Variants in EFCAB6 observed in about 807,000 individuals in gnomAD.
EFCAB6 encodes EF-hand calcium binding domain 6, also known as EF-hand calcium-binding domain-containing protein 6.
In EFCAB6, 156 loss-of-function variants were observed where a neutral mutation model predicts 169.8. The ratio of observed to expected loss-of-function variants is 0.92; its 90% CI spans 0.81 to 1.05. EFCAB6 has a LOEUF of 1.05. Ranked by LOEUF, EFCAB6 falls within the 50% of genes least tolerant of loss-of-function variation. The pLI is 0.00. For synonymous variants in EFCAB6, 698 were observed against 676.4 expected (o/e 1.03, Z -0.50); for missense variants, 1,800 against 1,829.1 (o/e 0.98, Z 0.29).
chr22:43,775,049 G>A (rs762273104), intron 3 of EFCAB6, among the ~76,000 whole-genome samples: 11 of 152,022 alleles, frequency 7.2e-5, no homozygotes, highest in African/African-American at 1.2e-4. Context: ...ACACAGTACC[G>A]TACTAGCGTG....
intron 12 of EFCAB6, among the ~76,000 whole-genome samples, chr22:43,682,326 G>A (rs972033001): frequency 3.3e-5 from 5 of 152,134 alleles, no homozygotes; most frequent in Non-Finnish European, 7.4e-5. Context: ...CATGGACTAC[G>A]TACTCAATTC....
At chr22:43,560,545 C>G (rs1602260975) in intron 26 of EFCAB6, among the ~76,000 whole-genome samples, 1 of 152,168 alleles carries the variant, frequency 6.6e-6, no homozygotes, top group African/African-American at 2.4e-5. Flanking sequence ...CAGCCATGCT[C>G]TCAGGAGGGA....
chr22:43,789,450 A>G (rs1486474400), intron 2 of EFCAB6, among the ~76,000 whole-genome samples: 1 of 152,168 alleles, frequency 6.6e-6, no homozygotes, highest in Non-Finnish European at 1.5e-5. Flanking sequence ...TTTACTTGAC[A>G]GTTATTTAGA....
In EFCAB6 at chr22:43,740,714, C is replaced by T. The variant is rs546890552; in HGVS notation, c.508-4721G>A. ...GAGTGCAGCCGAGAGGGAAAGGCACCGGCAGAAGCAAAGCCGGCTCCAGTG... is the reference window on the plus strand; with the variant it reads ...GAGTGCAGCCGAGAGGGAAAGGCACTGGCAGAAGCAAAGCCGGCTCCAGTG... On this transcript the variant is annotated intron_variant, in intron 6 of 31. Coordinates refer to ENST00000262726, the MANE Select transcript of EFCAB6 (RefSeq NM_022785.4). 3.1e-4 allele frequency among the ~76,000 whole-genome samples: 47 copies of T among 152,230 alleles called. No homozygotes were observed. In the South Asian group the frequency reaches 4.6e-3, roughly 15 times the overall value.
chr22:43,741,804 C>T (rs1429071758), intron 6 of EFCAB6, among the ~76,000 whole-genome samples: 1 of 152,206 alleles, frequency 6.6e-6, no homozygotes, highest in Non-Finnish European at 1.5e-5. Context: ...CATCCAGCCA[C>T]GGGCAGAACC....
At chr22:43,784,670 C>CATAT (rs201662478) in intron 2 of EFCAB6, among the ~76,000 whole-genome samples, 8 of 55,558 alleles carry the variant, frequency 1.4e-4, no homozygotes, top group Middle Eastern at 0.01. Context: ...TATACATATA[C>CATAT]ATATATACAC....
intron 11 of EFCAB6, among the ~76,000 whole-genome samples, chr22:43,684,061 C>T (rs2058100119): frequency 6.6e-6 from 1 of 152,106 alleles, no homozygotes; most frequent in Non-Finnish European, 1.5e-5. Flanking sequence ...GCAGGGTGAG[C>T]CTTGCTGGAC....
At chr22:43,760,960 C>T (rs962302493) in intron 5 of EFCAB6, among the ~76,000 whole-genome samples, 1 of 152,234 alleles carries the variant, frequency 6.6e-6, no homozygotes, top group African/African-American at 2.4e-5. Context: ...GAATGAGGTA[C>T]TAATTCATGC....
rs370052315 is a variant in EFCAB6, at chr22:43,730,882, C to A, written c.757+817G>T. 7.6e-4 allele frequency among the ~76,000 whole-genome samples: 116 copies of A among 152,230 alleles called. 2 individuals carry two copies. In the South Asian group the frequency reaches 0.022, roughly 29 times the overall value. On this transcript the variant is annotated intron_variant, in intron 8 of 31. Transcript: ENST00000262726. ...AACCAGGCTAAAACCTGAGAATCTG[C>A]CATTTTTCAGCTTGCTAGTGAGAGG...
At chr22:43,770,009 C>T (rs2061421557) in intron 4 of EFCAB6, among the ~76,000 whole-genome samples, 1 of 152,022 alleles carries the variant, frequency 6.6e-6, no homozygotes, top group African/African-American at 2.4e-5. Context: ...CATGTGCCAC[C>T]ATGTCCATCT....
chr22:43,780,973 G>C (rs1445519819), intron 3 of EFCAB6, among the ~76,000 whole-genome samples: 1 of 152,136 alleles, frequency 6.6e-6, no homozygotes, highest in Non-Finnish European at 1.5e-5. Flanking sequence ...TGCGTCTTAC[G>C]GCATTTGGCT....
intron 3 of EFCAB6, among the ~76,000 whole-genome samples, chr22:43,779,320 G>A (rs948324596): frequency 6.6e-6 from 1 of 152,214 alleles, no homozygotes; most frequent in Non-Finnish European, 1.5e-5. Flanking sequence ...TTTGATGTAT[G>A]AGTTATACAA....
chr22:43,680,014 A>G (rs1354367549), intron 12 of EFCAB6, among the ~76,000 whole-genome samples: 4 of 152,056 alleles, frequency 2.6e-5, no homozygotes, highest in Admixed American at 6.6e-5. Flanking sequence ...TGTTTCTTTT[A>G]TGGGTTATAC....
chr22:43,658,417 C>T (rs1447915143), intron 17 of EFCAB6, among the ~76,000 whole-genome samples: 2 of 152,090 alleles, frequency 1.3e-5, no homozygotes, highest in African/African-American at 2.4e-5. Flanking sequence ...AGGCCACTCC[C>T]GCACTGTGAG....
intron 2 of EFCAB6, among the ~76,000 whole-genome samples, chr22:43,782,798 T>C (rs1223731136): frequency 6.6e-6 from 1 of 152,016 alleles, no homozygotes; most frequent in East Asian, 1.9e-4. Context: ...TTGAAATCAA[T>C]TTTTTTTCAG....
intron 30 of EFCAB6, among the ~76,000 whole-genome samples, chr22:43,532,639 C>T (rs1435433906): frequency 6.7e-6 from 1 of 150,218 alleles, no homozygotes; most frequent in African/African-American, 2.5e-5. Context: ...TCCTGTTTGT[C>T]TAAACTAGAA....
chr22:43,757,496 G>A (rs1043948557), intron 5 of EFCAB6, among the ~76,000 whole-genome samples: 4 of 151,668 alleles, frequency 2.6e-5, no homozygotes, highest in Non-Finnish European at 5.9e-5. Flanking sequence ...GCGGTGAGCC[G>A]AGATCACACC....
In EFCAB6 at chr22:43,731,878, G is replaced by A. The variant is rs1002831998; in HGVS notation, c.645-67C>T. The A allele has an allele frequency of 7.5e-4, 723 of 960,636 alleles. 5 individuals are homozygous for A. Among genetic ancestry groups the A allele is most frequent in the Non-Finnish European group, 2.2e-4 (150 of 670,206 alleles). 59.5% of individuals were successfully genotyped at this position (960,636 alleles called of 1,614,324 possible). ...TAAAATGAAGCAAGTTTGTTACTAAGGTATCCTTTACACTCGGGCTGGCAT... is the reference window on the plus strand; with the variant it reads ...TAAAATGAAGCAAGTTTGTTACTAAAGTATCCTTTACACTCGGGCTGGCAT... On this transcript the variant is annotated intron_variant, in intron 7 of 31. Transcript: ENST00000262726.
Position 43,669,083 on chromosome 22 carries a change from G to A in EFCAB6, c.1641-38C>T, listed in dbSNP as rs748090231. 3.3e-6 allele frequency: 5 copies of A among 1,519,268 alleles called. No homozygotes were observed. The African/African-American group carries it at 5.6e-5, about 17-fold the overall frequency. 94.1% of individuals were successfully genotyped at this position (1,519,268 alleles called of 1,614,324 possible). A position where few individuals can be genotyped will look rare whatever the true frequency, so the allele number is the denominator to read the frequency against. Reference sequence around the variant, plus strand: ...AAATAATTAAAACACACTCAGTAGAGTAATTAAAACGGAAAAGACTGACCC... The same window carrying A: ...AAATAATTAAAACACACTCAGTAGAATAATTAAAACGGAAAAGACTGACCC... On this transcript the variant is annotated intron_variant, in intron 15 of 31. Coordinates refer to ENST00000262726, the MANE Select transcript of EFCAB6 (RefSeq NM_022785.4).
Sources: allele counts gnomAD v4.1 joint callset (sites outside exome capture counted in the v4.1 genomes callset), GRCh38; gene constraint gnomAD v4.1.1; transcripts MANE v1.5; gene names NCBI Gene and HGNC (gene_info 2026-07-23, HGNC 2026-07-21).